The following PRMT1 variants were observed in gnomAD, a reference collection of about 807,000 sequenced individuals.
The protein encoded by PRMT1 is protein arginine N-methyltransferase 1.
Under a neutral mutation model 47.4 loss-of-function variants are expected in PRMT1, and 5 were observed. The observed-to-expected ratio is 0.11, with a 90% CI of 0.06 to 0.22. The LOEUF is 0.22. Among genes scored for constraint, PRMT1 ranks in the 10% least tolerant of loss-of-function variants. The pLI is 1.00. For missense variants in PRMT1, 249 were observed against 518.4 expected, an observed-to-expected ratio of 0.48 and a Z score of 5.05; for synonymous variants, 227 against 204.6, an observed-to-expected ratio of 1.11 and a Z score of -0.94.
chr19:49,682,162 T>A, intron 4 of PRMT1, 34 bp from the exon 5 acceptor site: 4 of 1,612,534 alleles, frequency 2.5e-6, no homozygotes, highest in Non-Finnish European at 3.4e-6. Context: ...GGGCAGGGGA[T>A]GGGTCTCACC....
At position 49,681,760 on chromosome 19, in the gene PRMT1, T is replaced by A. The variant is rs1002603512; in HGVS notation, c.193-150T>A. On this transcript the variant is annotated intron_variant, in intron 3 of 10. Coordinates refer to ENST00000454376, the MANE Select transcript of PRMT1 (RefSeq NM_001536.6). The surrounding 1 kb of genome is among the most constrained non-coding windows in gnomAD (Gnocchi z 4.4). ...CTCAAAAAATAAAATAAAATAAAAATAAATAAATGAATAAATATAAAAGGG... is the reference window on the plus strand; with the variant it reads ...CTCAAAAAATAAAATAAAATAAAAAAAAATAAATGAATAAATATAAAAGGG... 1 of 536,516 alleles carries A rather than the reference T, an allele frequency of 1.9e-6. No individual in the cohort carries two copies. The highest frequency in any genetic ancestry group is 2.0e-5 in the African/African-American group (1 of 50,612). 33.2% of individuals were successfully genotyped at this position (536,516 alleles called of 1,614,324 possible).
chr19:49,676,930 C>T (rs1020646698), upstream of PRMT1: 35 of 265,354 alleles, frequency 1.3e-4, no homozygotes, highest in Non-Finnish European at 2.3e-4. Flanking sequence ...CGCGGGGCTC[C>T]CCGGGAAGCT....
rs147566604 is a variant in PRMT1, at chr19:49,684,087, C to T, written c.555+18C>T. On this transcript the variant is annotated intron_variant, in intron 6 of 10. Coordinates refer to ENST00000454376, the MANE Select transcript of PRMT1 (RefSeq NM_001536.6). This position sits in a 1 kb window ranked among gnomAD's most constrained non-coding sequence, Gnocchi z 6.2. ...AGTGGCTGGTGAGGCCCCAGCGGGACGGGTGCAGCTCGCGTGGGCTGGGGT... is the reference window on the plus strand; with the variant it reads ...AGTGGCTGGTGAGGCCCCAGCGGGATGGGTGCAGCTCGCGTGGGCTGGGGT... 1.2e-4 allele frequency: 198 copies of T among 1,613,472 alleles called. No individual in the cohort carries two copies. The African/African-American group carries it at 2.0e-3, about 16-fold the overall frequency.
rs376238252 is a variant in PRMT1, at chr19:49,686,325, C to T, written c.910+82C>T. 45 of 1,477,838 alleles carry T rather than the reference C, an allele frequency of 3.0e-5. No homozygotes were observed. The African/African-American group carries it at 3.1e-4, about 10-fold the overall frequency. 91.5% of individuals were successfully genotyped at this position (1,477,838 alleles called of 1,614,324 possible). Reference sequence around the variant, plus strand: ...CACGTAGTGGAGGGGGTGACAGAAACGGGCAGAAGGAACCATGGGGACACG... The same window carrying T: ...CACGTAGTGGAGGGGGTGACAGAAATGGGCAGAAGGAACCATGGGGACACG... On this transcript the variant is annotated intron_variant, in intron 9 of 10. Transcript: ENST00000454376.
At chr19:49,686,584 C>T (rs772047619) in intron 9 of PRMT1, 21 bp from the exon 10 acceptor site, 1 of 1,605,430 alleles carries the variant, frequency 6.2e-7, no homozygotes, top group Admixed American at 1.7e-5. Context: ...CCGAGGCCGG[C>T]TGACCCGCCC....
At chr19:49,678,924 C>T (rs1187923690) in intron 1 of PRMT1, among the ~76,000 whole-genome samples, 1 of 150,106 alleles carries the variant, frequency 6.7e-6, no homozygotes, top group Non-Finnish European at 1.5e-5. Context: ...TACTCTGTCA[C>T]CCAGGCTGGA....
Position 49,684,615 on chromosome 19 carries a change from A to T in PRMT1, c.556-139A>T. Reference sequence around the variant, plus strand: ...GTGCCCTCTGGCGGCCGTGTGGGAAATAGACCAGGGGGCGAGGGGTGAGTG... The same window carrying T: ...GTGCCCTCTGGCGGCCGTGTGGGAATTAGACCAGGGGGCGAGGGGTGAGTG... On this transcript the variant is annotated intron_variant, in intron 6 of 10. Coordinates refer to ENST00000454376, the MANE Select transcript of PRMT1 (RefSeq NM_001536.6). The surrounding 1 kb of genome is among the most constrained non-coding windows in gnomAD (Gnocchi z 6.2). The T allele has an allele frequency of 9.8e-7, 1 of 1,019,796 alleles. No homozygotes were observed. 63.2% of individuals were successfully genotyped at this position (1,019,796 alleles called of 1,614,324 possible).
chr19:49,683,728 A>G, intron 5 of PRMT1, 199 bp from the exon 6 acceptor site: 1 of 559,762 alleles, frequency 1.8e-6, no homozygotes, highest in Non-Finnish European at 3.2e-6. Context: ...CCTGATACCC[A>G]GTCCACATAA....
At position 49,683,909 on chromosome 19, in the gene PRMT1, A is replaced by G. The variant is rs2122986497; in HGVS notation, c.413-18A>G. 1 of 1,609,480 alleles carries G rather than the reference A, an allele frequency of 6.2e-7. No individual in the cohort carries two copies. On this transcript the variant is annotated intron_variant, in intron 5 of 10. Coordinates refer to ENST00000454376, the MANE Select transcript of PRMT1 (RefSeq NM_001536.6). ...AGGCCTCCCGGGGGCTGACGTGGCC[A>G]CCCTTGTCCGCCCGCAGTGGTGACC...
chr19:49,684,683 C>A lies in PRMT1; in HGVS notation c.556-71C>A. On this transcript the variant is annotated intron_variant, in intron 6 of 10. Coordinates refer to ENST00000454376, the MANE Select transcript of PRMT1 (RefSeq NM_001536.6). The surrounding 1 kb of genome is among the most constrained non-coding windows in gnomAD (Gnocchi z 6.2). ...TGGCCCAGACCAGGGCAGGAGGCCA[C>A]ATCTTGGAGGCAAGACTCAGGGTAG... 1 of 1,488,166 alleles carries A rather than the reference C, an allele frequency of 6.7e-7. No homozygotes were observed. Among genetic ancestry groups the A allele is most frequent in the Non-Finnish European group, 9.1e-7 (1 of 1,093,466 alleles). The allele number at this position is 1,488,166 out of a possible 1,614,324, so 92.2% of individuals were successfully genotyped here. A position where few individuals can be genotyped will look rare whatever the true frequency, so the allele number is the denominator to read the frequency against.
At chr19:49,687,535 C>T (rs2082226584) in intron 10 of PRMT1, among the ~76,000 whole-genome samples, 1 of 150,554 alleles carries the variant, frequency 6.6e-6, no homozygotes, top group African/African-American at 2.4e-5. Flanking sequence ...GGACGTTTGC[C>T]ACCGTCTGTG....
rs551601060 is a variant in PRMT1, at chr19:49,677,489, A to G, written c.36+173A>G. ...ATATCGTTTGAGGTGACGGCTCCCTAGCTTCCAAGGGCCTTCGGCATCCGG... is the reference window on the plus strand; with the variant it reads ...ATATCGTTTGAGGTGACGGCTCCCTGGCTTCCAAGGGCCTTCGGCATCCGG... On this transcript the variant is annotated intron_variant, in intron 1 of 10. Coordinates refer to ENST00000454376, the MANE Select transcript of PRMT1 (RefSeq NM_001536.6). 2.1e-5 allele frequency: 10 copies of G among 483,482 alleles called. 1 individual carries two copies. In the South Asian group the frequency reaches 7.2e-4, roughly 35 times the overall value. 29.9% of individuals were successfully genotyped at this position (483,482 alleles called of 1,614,324 possible). A position where few individuals can be genotyped will look rare whatever the true frequency, so the allele number is the denominator to read the frequency against.
Position 49,686,263 on chromosome 19 carries a change from G to A in PRMT1, c.910+20G>A. On this transcript the variant is annotated intron_variant, in intron 9 of 10. Transcript: ENST00000454376. ...CCACCAGTGAGGCGGGGCCCACAGGGCTGGGGGCCGTTCCCGAGCCAGGGC... is the reference window on the plus strand; with the variant it reads ...CCACCAGTGAGGCGGGGCCCACAGGACTGGGGGCCGTTCCCGAGCCAGGGC... 6.4e-7 allele frequency: 1 copy of A among 1,573,188 alleles called. No homozygotes were observed. Among genetic ancestry groups the A allele is most frequent in the Non-Finnish European group, 8.6e-7 (1 of 1,160,040 alleles).
At chr19:49,686,782 TGGGG>T in intron 10 of PRMT1, 56 bp downstream of exon 10, 3 of 183,090 alleles carry the variant, frequency 1.6e-5, no homozygotes, top group Non-Finnish European at 2.2e-5. Flanking sequence ...GAGTGTAGAT[TGGGG>T]GGGGAGTGGT....
chr19:49,680,035 C>G lies in PRMT1; in HGVS notation c.90+110C>G. The G allele has an allele frequency of 8.0e-7, 1 of 1,253,224 alleles. No homozygotes were observed. The highest frequency in any genetic ancestry group is 2.0e-5 in the Admixed American group (1 of 50,240). 77.6% of individuals were successfully genotyped at this position (1,253,224 alleles called of 1,614,324 possible). On this transcript the variant is annotated intron_variant, in intron 2 of 10. Coordinates refer to ENST00000454376, the MANE Select transcript of PRMT1 (RefSeq NM_001536.6). This position sits in a 1 kb window ranked among gnomAD's most constrained non-coding sequence, Gnocchi z 4.2. Reference sequence around the variant, plus strand: ...TAACCATACCCCTCTTGCTTCAAACCAGTTTACCCCAGGCCCCCAGACACT... The same window carrying G: ...TAACCATACCCCTCTTGCTTCAAACGAGTTTACCCCAGGCCCCCAGACACT...
rs769251159 is a variant in PRMT1, at chr19:49,682,119, C to G, written c.348+54C>G. The G allele has an allele frequency of 3.1e-6, 5 of 1,613,748 alleles. No individual in the cohort carries two copies. In the South Asian group the frequency reaches 5.5e-5, roughly 18 times the overall value. ...CGGGCCTGAGGGATGGAGGGGAGCC[C>G]ATCAGGGCTCAGGGATTGGATGGAG... On this transcript the variant is annotated intron_variant, in intron 4 of 10. Transcript: ENST00000454376.
intron 1 of PRMT1, chr19:49,679,555 C>G (rs372784020): frequency 4.6e-6 from 3 of 645,822 alleles, no homozygotes; most frequent in Non-Finnish European, 8.6e-6. Context: ...CGACAGCTGG[C>G]GGTGGTGGGT....
At position 49,684,917 on chromosome 19, in the gene PRMT1, C is replaced by T; in HGVS notation, c.644-5C>T. The stretch of plus-strand genomic sequence containing the variant: ...GGCTCACCCCCTCCCTGCCTGCCTC[C>T]CCAGGGTGGGAGAACGTGTATGGCT... On this transcript the variant is annotated splice_polypyrimidine_tract_variant and splice_region_variant and intron_variant, in intron 7 of 10. Transcript: ENST00000454376. The surrounding 1 kb of genome is among the most constrained non-coding windows in gnomAD (Gnocchi z 6.2). 6.2e-7 allele frequency: 1 copy of T among 1,603,110 alleles called. No individual in the cohort carries two copies.
intron 1 of PRMT1, among the ~76,000 whole-genome samples, chr19:49,678,621 G>A (rs2082071466): frequency 6.6e-6 from 1 of 152,142 alleles, no homozygotes; most frequent in African/African-American, 2.4e-5. Flanking sequence ...TGGAAGAGAT[G>A]TAATCTGATG....
Sources: allele counts gnomAD v4.1 joint callset (sites outside exome capture counted in the v4.1 genomes callset), GRCh38; gene constraint gnomAD v4.1.1; non-coding constraint Gnocchi (gnomAD v3.1); transcripts MANE v1.5; gene names NCBI Gene and HGNC (gene_info 2026-07-23, HGNC 2026-07-21).